The following GALNT13 variants were observed in gnomAD, a reference collection of about 807,000 sequenced individuals.
GALNT13 encodes the protein UDP-GalNAc:polypeptide N-acetylgalactosaminyltransferase 13.
A neutral mutation model predicts 64.2 loss-of-function variants in GALNT13; 28 were observed. The ratio of observed to expected loss-of-function variants is 0.44; its 90% CI spans 0.32 to 0.60. The LOEUF is 0.60. Among genes scored for constraint, GALNT13 ranks in the 20% least tolerant of loss-of-function variants. The pLI is 0.05. For synonymous variants in GALNT13, 214 were observed against 224.6 expected, an observed-to-expected ratio of 0.95 and a Z score of 0.42; for missense variants, 577 against 669.8, an observed-to-expected ratio of 0.86 and a Z score of 1.53.
intron 3 of GALNT13, among the ~76,000 whole-genome samples, chr2:154,118,006 G>A (rs1189230344): frequency 1.3e-5 from 2 of 152,140 alleles, no homozygotes; most frequent in Admixed American, 1.3e-4. Context: ...TTGGTTGGAA[G>A]ATTCTATACA....
chr2:153,488,458 T>C, the GALNT13 span, among the ~76,000 whole-genome samples: 138 of 152,292 alleles, frequency 9.1e-4, no homozygotes, highest in African/African-American at 3.1e-3. Context: ...AAGCAATTAT[T>C]TTTCAGGCTG....
At chr2:153,162,576 A>G in the GALNT13 span, among the ~76,000 whole-genome samples, 1 of 152,220 alleles carries the variant, frequency 6.6e-6, no homozygotes, top group Non-Finnish European at 1.5e-5. Flanking sequence ...CACTTCCACT[A>G]CAACTAAATG....
the GALNT13 span, among the ~76,000 whole-genome samples, chr2:153,759,543 C>G: frequency 6.6e-6 from 1 of 152,052 alleles, no homozygotes; most frequent in Non-Finnish European, 1.5e-5. Flanking sequence ...AAAGCTTTTT[C>G]TGCCTCTAAT....
At chr2:153,764,182 G>T in the GALNT13 span, among the ~76,000 whole-genome samples, 105 of 152,250 alleles carry the variant, frequency 6.9e-4, 2 homozygotes, top group South Asian at 0.021. Flanking sequence ...GTGGGACTTT[G>T]AACTTGAGAG....
chr2:153,224,863 A>G, the GALNT13 span, among the ~76,000 whole-genome samples: 1 of 152,248 alleles, frequency 6.6e-6, no homozygotes, highest in Admixed American at 6.5e-5. Context: ...CCTTTCCAAA[A>G]AAAGGCACCA....
At chr2:153,877,494 T>C (rs1473049613) in intron 1 of GALNT13, among the ~76,000 whole-genome samples, 1 of 152,178 alleles carries the variant, frequency 6.6e-6, no homozygotes, top group African/African-American at 2.4e-5. Context: ...AAGATAGTAG[T>C]AAATGTCAAC....
chr2:153,302,089 G>T, the GALNT13 span, among the ~76,000 whole-genome samples: 1 of 152,112 alleles, frequency 6.6e-6, no homozygotes, highest in East Asian at 1.9e-4. Flanking sequence ...GGATCGTATG[G>T]TAGTTACGTT....
the GALNT13 span, among the ~76,000 whole-genome samples, chr2:153,723,591 G>A: frequency 2.0e-5 from 3 of 151,824 alleles, no homozygotes; most frequent in African/African-American, 4.9e-5. Context: ...AAGCTGATAA[G>A]CAACTTCAGC....
chr2:153,555,770 ATTGT>A, the GALNT13 span, among the ~76,000 whole-genome samples: 1 of 152,188 alleles, frequency 6.6e-6, no homozygotes, highest in Non-Finnish European at 1.5e-5. Context: ...CTTCTGAATG[ATTGT>A]TTGTAAGATC....
the GALNT13 span, among the ~76,000 whole-genome samples, chr2:153,719,680 G>C: frequency 1.3e-5 from 2 of 151,962 alleles, no homozygotes; most frequent in Non-Finnish European, 2.9e-5. Flanking sequence ...TTCCCTTTCC[G>C]AGTCAAAGAA....
the GALNT13 span, among the ~76,000 whole-genome samples, chr2:153,763,954 T>G: frequency 1.3e-5 from 2 of 152,122 alleles, no homozygotes; most frequent in Non-Finnish European, 2.9e-5. Context: ...TCCTAGAGAC[T>G]TGGAGGGCTC....
the GALNT13 span, among the ~76,000 whole-genome samples, chr2:153,176,551 C>T: frequency 6.6e-6 from 1 of 151,486 alleles, no homozygotes; most frequent in African/African-American, 2.4e-5. Flanking sequence ...AGACTGGACA[C>T]AAAAAATTAG....
chr2:153,106,308 C>T, the GALNT13 span, among the ~76,000 whole-genome samples: 1 of 152,096 alleles, frequency 6.6e-6, no homozygotes, highest in African/African-American at 2.4e-5. Context: ...ACATAGATCA[C>T]TTGGCCTGTG....
chr2:153,349,092 T>G, the GALNT13 span, among the ~76,000 whole-genome samples: 1 of 152,198 alleles, frequency 6.6e-6, no homozygotes, highest in Non-Finnish European at 1.5e-5. Flanking sequence ...AGATTCCACC[T>G]AATGGACTGT....
At chr2:154,322,281 T>C (rs1369516677) in intron 9 of GALNT13, among the ~76,000 whole-genome samples, 1 of 151,512 alleles carries the variant, frequency 6.6e-6, no homozygotes, top group African/African-American at 2.4e-5. Flanking sequence ...TATATTCTTA[T>C]GAAATAACTA....
the GALNT13 span, among the ~76,000 whole-genome samples, chr2:153,709,218 T>C: frequency 6.6e-6 from 1 of 151,980 alleles, no homozygotes; most frequent in Non-Finnish European, 1.5e-5. Context: ...AAATATTTTC[T>C]AACCACTTAC....
chr2:153,534,625 C>G, the GALNT13 span, among the ~76,000 whole-genome samples: 25 of 148,106 alleles, frequency 1.7e-4, 1 homozygote, highest in Admixed American at 1.4e-3. Flanking sequence ...AAGGGTGGGC[C>G]GTTTTATAGG....
the GALNT13 span, among the ~76,000 whole-genome samples, chr2:153,493,360 AAAT>A: frequency 6.6e-6 from 1 of 152,078 alleles, no homozygotes; most frequent in Non-Finnish European, 1.5e-5. Context: ...TATTAATGGA[AAAT>A]AATAGAATAT....
the GALNT13 span, among the ~76,000 whole-genome samples, chr2:153,278,758 G>C: frequency 2.0e-5 from 3 of 151,966 alleles, no homozygotes; most frequent in African/African-American, 4.8e-5. Context: ...GTTTACTGCA[G>C]CTTCCGTCAC....
Sources: allele counts gnomAD v4.1 joint callset (sites outside exome capture counted in the v4.1 genomes callset), GRCh38; gene constraint gnomAD v4.1.1; transcripts MANE v1.5; gene names NCBI Gene and HGNC (gene_info 2026-07-23, HGNC 2026-07-21).